SNAPC4: variants seen among roughly 807,000 people sequenced by gnomAD.
The protein encoded by SNAPC4 is snRNA-activating protein complex subunit 4.
SNAPC4 carries 127 observed loss-of-function variants against 151.3 expected under a neutral mutation model. The ratio of observed to expected loss-of-function variants is 0.84; its 90% CI spans 0.73 to 0.97. The LOEUF (loss-of-function observed/expected upper bound fraction) is 0.97. Among genes scored for constraint, SNAPC4 ranks in the 50% least tolerant of loss-of-function variants. The pLI, the probability that SNAPC4 is intolerant of heterozygous loss-of-function variation, is 0.00. For missense variants in SNAPC4, 2,186 were observed against 1,935.0 expected (o/e 1.13, Z -2.43); for synonymous variants, 1,002 against 824.4 (o/e 1.22, Z -3.69).
In SNAPC4 at chr9:136,381,990, C is replaced by T. The variant is rs1417474347; in HGVS notation, c.2151G>A (p.Gln717=). 2 of 1,611,362 alleles carry T rather than the reference C, an allele frequency of 1.2e-6. No individual in the cohort carries two copies. The highest frequency in any genetic ancestry group is 1.7e-6 in the Non-Finnish European group (2 of 1,179,714). ...TCTGGGTGGCTCTGTGCCGTAGCCACTGCACATGGGATCGGGCCACGCTGT... is the reference window on the plus strand; with the variant it reads ...TCTGGGTGGCTCTGTGCCGTAGCCATTGCACATGGGATCGGGCCACGCTGT... ...SGDSVARSHV[Q]WLRHRATQSG... Residue 717 remains glutamine (Q), a synonymous_variant, in exon 18 of 24, where the codon CAG becomes CAA. Coordinates refer to ENST00000684778, the MANE Select transcript of SNAPC4 (RefSeq NM_003086.4).
chr9:136,384,659 C>A, intron 14 of SNAPC4, 61 bp downstream of exon 14: 2 of 915,442 alleles, frequency 2.2e-6, no homozygotes, highest in East Asian at 5.2e-5. Context: ...ATCTTGATCT[C>A]TTTTCTAAGA....
chr9:136,383,537 C>T lies in SNAPC4; in HGVS notation c.1632G>A (p.Glu544=), dbSNP rs377762983. Residue 544 remains glutamate, a synonymous_variant, in exon 16 of 24, where the codon GAG becomes GAA. Transcript: ENST00000684778. The surrounding 1 kb of genome is among the most constrained non-coding windows in gnomAD (Gnocchi z 4.2). ...CGGCCTGCGCCTGCTCTGGCTCGTC[C>T]TCCTCGCTGCTGCTGCTGCTGCTGC... ...SSSSSSSSSE[E]DEPEQAQAGE... is the part of the protein sequence containing the mutation. The T allele has an allele frequency of 6.3e-7, 1 of 1,592,112 alleles. No homozygotes were observed. Among genetic ancestry groups the T allele is most frequent in the Non-Finnish European group, 8.5e-7 (1 of 1,170,706 alleles).
In SNAPC4 at chr9:136,378,876, A is replaced by T. The variant is rs768539591; in HGVS notation, c.2951T>A (p.Met984Lys). The change falls in exon 22 of 24, where the codon ATG becomes AAG. Residue 984 changes from methionine (M) to lysine (K), a missense_variant. Transcript: ENST00000684778. ...TSAKDKRLST[M>K]QALPLAPVFS... ...GACAGGAGCGAGGGGCAGGGCTTGC[A>T]TGGTGGAGAGTCTCTTGTCCTTGGC... is the stretch of plus-strand genomic sequence containing the variant. 1 of 1,611,084 alleles carries T rather than the reference A, an allele frequency of 6.2e-7. No homozygotes were observed. The highest frequency in any genetic ancestry group is 1.7e-5 in the Admixed American group (1 of 59,812).
At chr9:136,395,474 C>A in intron 4 of SNAPC4, 51 bp from the exon 5 acceptor site, 1 of 1,595,452 alleles carries the variant, frequency 6.3e-7, no homozygotes, top group Non-Finnish European at 8.6e-7. Context: ...AGCAATGACT[C>A]TCCCTGCGGA....
Position 136,379,858 on chromosome 9 carries a change from A to C in SNAPC4, c.2506T>G (p.Ser836Ala). The change falls in exon 21 of 24, where the codon TCA becomes GCA. Residue 836 changes from serine to alanine, a missense_variant. Coordinates refer to ENST00000684778, the MANE Select transcript of SNAPC4 (RefSeq NM_003086.4). The stretch of plus-strand genomic sequence containing the variant: ...TTACCTGGGGTGCTCTGGGCACTTG[A>C]GGATGCCTGGAAATGAAAGAGAGGA... ...DPPVHLLQASSSAQSTPGHLF... is the reference protein window; with the variant it reads ...DPPVHLLQASASAQSTPGHLF... 1.2e-6 allele frequency: 2 copies of C among 1,613,156 alleles called. No homozygotes were observed. The highest frequency in any genetic ancestry group is 1.7e-6 in the Non-Finnish European group (2 of 1,179,638).
At chr9:136,382,372 G>A (rs759810276) in intron 16 of SNAPC4, 36 bp from the exon 17 acceptor site, 22 of 1,585,174 alleles carry the variant, frequency 1.4e-5, no homozygotes, top group African/African-American at 4.0e-5. Context: ...GGCACGCGGG[G>A]TGTACGGGAC....
chr9:136,382,206 G>A (rs777619716), intron 17 of SNAPC4, 47 bp downstream of exon 17: 1 of 1,601,576 alleles, frequency 6.2e-7, no homozygotes, highest in African/African-American at 1.3e-5. Flanking sequence ...TCAGACCAGG[G>A]CGGGGCACGT....
rs985871486 is a variant in SNAPC4 at position 136,377,689 on chromosome 9, T to G, written c.4138A>C (p.Thr1380Pro). 4 of 1,607,666 alleles carry G rather than the reference T, an allele frequency of 2.5e-6. No individual in the cohort carries two copies. Among genetic ancestry groups the G allele is most frequent in the East Asian group, 2.2e-5 (1 of 44,712 alleles). The change falls in exon 22 of 24, where the codon ACC (threonine) becomes CCC (proline). Residue 1380 changes from threonine (T) to proline (P), a missense_variant. Transcript: ENST00000684778. Reference protein sequence around the residue: ...AAFTLPALLATLAPQGVRTTL... With the variant: ...AAFTLPALLAPLAPQGVRTTL... ...GTGCGGACGCCTTGGGGGGCCAGGG[T>G]GGCCAGGAGCGCAGGGAGGGTGAAG...
chr9:136,377,533 C>A lies in SNAPC4; in HGVS notation c.4284+10G>T, dbSNP rs1267312212. ...TGCCATGGGGAAGTGGGGCTGGGCG[C>A]CCACCCTACCTGAATGGGGCATGTG... is the stretch of plus-strand genomic sequence containing the variant. On this transcript the variant is annotated intron_variant, in intron 22 of 23. Transcript: ENST00000684778. 1 of 1,503,084 alleles carries A rather than the reference C, an allele frequency of 6.7e-7. No individual in the cohort carries two copies. Among genetic ancestry groups the A allele is most frequent in the East Asian group, 2.3e-5 (1 of 43,434 alleles). 93.1% of individuals were successfully genotyped at this position (1,503,084 alleles called of 1,614,324 possible).
At position 136,393,951 on chromosome 9, in the gene SNAPC4, T is replaced by A. The variant is rs760557562; in HGVS notation, c.632+298A>T. 1.4e-3 allele frequency among the ~76,000 whole-genome samples: 219 copies of A among 152,382 alleles called. 1 individual carries two copies. Among genetic ancestry groups the A allele is most frequent in the Middle Eastern group, 3.4e-3 (1 of 294 alleles). ...GTTTGTTTTTGAGACAGGGTCTCGC[T>A]CTGTCACCCAGGCTGGAACGCAGTG... On this transcript the variant is annotated intron_variant, in intron 7 of 23. Transcript: ENST00000684778.
chr9:136,379,589 C>A (rs1376715818), intron 21 of SNAPC4, among the ~76,000 whole-genome samples: 1 of 152,228 alleles, frequency 6.6e-6, no homozygotes, highest in African/African-American at 2.4e-5. Context: ...CGGACGCTCG[C>A]TCCAGACGAC....
intron 17 of SNAPC4, 69 bp from the exon 18 acceptor site, chr9:136,382,142 G>A (rs1449366135): frequency 1.3e-6 from 2 of 1,565,864 alleles, no homozygotes; most frequent in Non-Finnish European, 1.7e-6. Context: ...CTGCCCAGTG[G>A]CCAGTGCTGC....
Position 136,394,780 on chromosome 9 carries a change from G to T in SNAPC4, c.550+20C>A. ...GTGTCCCAAGCTCAGGGGTGCCGCA[G>T]GGCCGGCCAGGGCTCTTACATTTGG... is the stretch of plus-strand genomic sequence containing the variant. On this transcript the variant is annotated intron_variant, in intron 6 of 23. Transcript: ENST00000684778. The T allele has an allele frequency of 6.2e-7, 1 of 1,611,688 alleles. No individual in the cohort carries two copies. The highest frequency in any genetic ancestry group is 8.5e-7 in the Non-Finnish European group (1 of 1,178,414).
intron 2 of SNAPC4, 72 bp downstream of exon 2, chr9:136,398,227 C>G: frequency 2.0e-6 from 3 of 1,520,798 alleles, no homozygotes; most frequent in Middle Eastern, 4.5e-4. Flanking sequence ...CCCTAATGTG[C>G]CTGAGAGGAA....
intron 23 of SNAPC4, 105 bp downstream of exon 23, chr9:136,376,244 T>A: frequency 7.2e-7 from 1 of 1,388,190 alleles, no homozygotes; most frequent in East Asian, 2.3e-5. Context: ...CCAGCACACC[T>A]GCTGTGAGCG....
chr9:136,399,926 C>A (rs986682494), intron 1 of SNAPC4, among the ~76,000 whole-genome samples: 4 of 152,102 alleles, frequency 2.6e-5, no homozygotes, highest in African/African-American at 9.7e-5. Flanking sequence ...CCGCTCCCAG[C>A]CGAGGGGCTC....
intron 18 of SNAPC4, 94 bp from the exon 19 acceptor site, chr9:136,381,486 G>C (rs973537842): frequency 3.7e-5 from 44 of 1,190,570 alleles, no homozygotes; most frequent in Non-Finnish European, 5.1e-5. Flanking sequence ...CGTGCCTTTC[G>C]AGGCGGCTCT....
At chr9:136,391,747 G>C (rs1834081789) in intron 10 of SNAPC4, among the ~76,000 whole-genome samples, 195 bp downstream of exon 10, 1 of 152,264 alleles carries the variant, frequency 6.6e-6, no homozygotes, top group Admixed American at 6.5e-5. Flanking sequence ...AGGCCCAGAG[G>C]AGCTGCGGCA....
intron 6 of SNAPC4, 78 bp downstream of exon 6, chr9:136,394,722 G>A: frequency 7.6e-7 from 1 of 1,312,546 alleles, no homozygotes; most frequent in Non-Finnish European, 1.1e-6. Flanking sequence ...TGAGAACTTG[G>A]GGAGAAACTG....
Sources: gnomAD v4.1 joint callset for allele counts (sites outside exome capture counted in the v4.1 genomes callset) on GRCh38, gnomAD v4.1.1 for gene constraint, Gnocchi (gnomAD v3.1) non-coding constraint, MANE v1.5 for transcripts, NCBI Gene and HGNC (gene_info 2026-07-23, HGNC 2026-07-21) for gene names.